The following SGMS1 variants were observed in gnomAD, a reference collection of about 807,000 sequenced individuals.
The protein encoded by SGMS1 is sphingomyelin synthase 1, also known as phosphatidylcholine:ceramide cholinephosphotransferase 1.
SGMS1 carries 13 observed loss-of-function variants against 46.2 expected under a neutral mutation model. That is an observed-to-expected ratio of 0.28 (90% CI 0.18 to 0.45). The LOEUF is 0.45. Among genes scored for constraint, SGMS1 ranks in the 20% least tolerant of loss-of-function variants. The probability of loss-of-function intolerance (pLI) is 1.00; values close to 1 mark genes in which losing one functional copy is unlikely to be tolerated. For missense variants in SGMS1, 324 were observed against 519.9 expected (o/e 0.62, Z 3.66); for synonymous variants, 203 against 187.8 (o/e 1.08, Z -0.66).
intron 1 of SGMS1, among the ~76,000 whole-genome samples, chr10:50,616,240 C>A (rs542250051): frequency 1.3e-5 from 2 of 152,224 alleles, no homozygotes; most frequent in South Asian, 2.1e-4. Flanking sequence ...TCAGCCCCCC[C>A]GCCCCAAGTA....
chr10:50,474,360 C>T (rs1837401962), intron 3 of SGMS1: 1 of 152,050 alleles, frequency 6.6e-6, no homozygotes, highest in Non-Finnish European at 1.5e-5. Context: ...CAACTTGTCT[C>T]CTCTGGAATT....
At chr10:50,571,239 G>A (rs1838334084) in intron 2 of SGMS1, among the ~76,000 whole-genome samples, 1 of 152,186 alleles carries the variant, frequency 6.6e-6, no homozygotes, top group Non-Finnish European at 1.5e-5. Context: ...TAAGTAAAAA[G>A]ATTAAGAAAA....
intron 6 of SGMS1, among the ~76,000 whole-genome samples, chr10:50,351,895 A>G (rs549783649): frequency 2.0e-5 from 3 of 152,302 alleles, no homozygotes; most frequent in Admixed American, 2.0e-4. Flanking sequence ...TCTAGGAAGT[A>G]TATCTTGGTC....
intron 2 of SGMS1, among the ~76,000 whole-genome samples, chr10:50,551,767 T>C (rs1203712753): frequency 6.6e-6 from 1 of 152,094 alleles, no homozygotes; most frequent in Non-Finnish European, 1.5e-5. Context: ...GTCCAAAATG[T>C]CTTTCTGCTG....
At chr10:50,510,735 A>T (rs971113316) in intron 3 of SGMS1, among the ~76,000 whole-genome samples, 1 of 152,110 alleles carries the variant, frequency 6.6e-6, no homozygotes, top group African/African-American at 2.4e-5. Flanking sequence ...CTATACAATT[A>T]TCAAAGCACA....
intron 5 of SGMS1, among the ~76,000 whole-genome samples, chr10:50,447,661 T>A (rs933637043): frequency 2.0e-5 from 3 of 152,212 alleles, no homozygotes; most frequent in African/African-American, 7.2e-5. Flanking sequence ...TACATGTTTA[T>A]CACGTATAAC....
At chr10:50,361,881 T>C (rs1461993141) in intron 6 of SGMS1, among the ~76,000 whole-genome samples, 1 of 152,218 alleles carries the variant, frequency 6.6e-6, no homozygotes, top group Non-Finnish European at 1.5e-5. Context: ...TTTACCTGTA[T>C]TTTTCAGCCT....
intron 2 of SGMS1, among the ~76,000 whole-genome samples, chr10:50,565,802 A>G (rs761715662): frequency 1.3e-5 from 2 of 152,204 alleles, no homozygotes; most frequent in Non-Finnish European, 2.9e-5. Flanking sequence ...GATGCTGAGA[A>G]GGCCATCACT....
chr10:50,378,733 CACT>C (rs1848557220), intron 6 of SGMS1, among the ~76,000 whole-genome samples: 2 of 152,230 alleles, frequency 1.3e-5, no homozygotes, highest in East Asian at 3.9e-4. Flanking sequence ...TGGGATTAAT[CACT>C]ACTAGTGTCT....
intron 2 of SGMS1, among the ~76,000 whole-genome samples, chr10:50,559,202 C>G (rs998277596): frequency 2.6e-5 from 4 of 152,106 alleles, no homozygotes; most frequent in Non-Finnish European, 4.4e-5. Context: ...GTTACACAAG[C>G]CCCCCAAAAT....
chr10:50,428,631 A>G (rs1849360904), intron 6 of SGMS1, among the ~76,000 whole-genome samples: 1 of 152,218 alleles, frequency 6.6e-6, no homozygotes, highest in African/African-American at 2.4e-5. Flanking sequence ...TCTTTCAGAT[A>G]CTGTCTTACT....
intron 1 of SGMS1, 92 bp downstream of exon 1, chr10:50,623,615 G>A (rs1399422274): frequency 6.1e-6 from 6 of 985,276 alleles, no homozygotes; most frequent in Non-Finnish European, 7.2e-6. Flanking sequence ...CCCGCCCGCT[G>A]CTCCCCGGCA....
chr10:50,526,074 C>A (rs527395507), intron 2 of SGMS1, among the ~76,000 whole-genome samples: 1 of 152,310 alleles, frequency 6.6e-6, no homozygotes, highest in African/African-American at 2.4e-5. Flanking sequence ...TCTGCTAGTG[C>A]TGTGGGATTC....
At chr10:50,503,582 C>A (rs1444814152) in intron 3 of SGMS1, among the ~76,000 whole-genome samples, 1 of 152,184 alleles carries the variant, frequency 6.6e-6, no homozygotes, top group Non-Finnish European at 1.5e-5. Context: ...AACGGCCCCA[C>A]CCCTATCTCC....
intron 3 of SGMS1, among the ~76,000 whole-genome samples, chr10:50,514,397 G>A (rs181301948): frequency 1.3e-4 from 20 of 152,110 alleles, no homozygotes; most frequent in Admixed American, 3.3e-4. Context: ...CATAGTTCCC[G>A]GACTCTTTTG....
At chr10:50,605,737 T>C (rs1838688613) in intron 1 of SGMS1, among the ~76,000 whole-genome samples, 1 of 152,238 alleles carries the variant, frequency 6.6e-6, no homozygotes. Flanking sequence ...AGAAGGCACA[T>C]ATTTTTATTT....
chr10:50,421,502 T>C (rs563915467), intron 6 of SGMS1, among the ~76,000 whole-genome samples: 2 of 152,276 alleles, frequency 1.3e-5, no homozygotes, highest in East Asian at 3.9e-4. Context: ...CAGGCTGGGC[T>C]CCTCACTTTC....
intron 3 of SGMS1, among the ~76,000 whole-genome samples, chr10:50,476,097 CAAAAAAAAAAAAAA>C (rs58641986): frequency 2.3e-5 from 1 of 43,298 alleles, no homozygotes; most frequent in Non-Finnish European, 4.1e-5. Flanking sequence ...ACTAAAAATA[CAAAAAAAAAAAAAA>C]AAAAAAAAAA....
At chr10:50,360,956 T>A (rs1017048214) in intron 6 of SGMS1, among the ~76,000 whole-genome samples, 9 of 152,340 alleles carry the variant, frequency 5.9e-5, no homozygotes, top group African/African-American at 2.2e-4. Flanking sequence ...TTTACTATCC[T>A]CTGCTTTTTA....
Sources: gnomAD v4.1 joint callset for allele counts (sites outside exome capture counted in the v4.1 genomes callset) on GRCh38, gnomAD v4.1.1 for gene constraint, MANE v1.5 for transcripts, NCBI Gene and HGNC (gene_info 2026-07-23, HGNC 2026-07-21) for gene names.